PTPRD: variants seen among roughly 807,000 people sequenced by gnomAD.
PTPRD encodes protein tyrosine phosphatase receptor type D.
A neutral mutation model predicts 214.5 loss-of-function variants in PTPRD; 34 were observed. That is an observed-to-expected ratio of 0.16 (90% CI 0.12 to 0.21). The LOEUF is 0.21. Among genes scored for constraint, PTPRD ranks in the 10% least tolerant of loss-of-function variants. PTPRD has a pLI of 1.00. For missense variants in PTPRD, 2,545 were observed against 2,398.7 expected (o/e 1.06, Z -1.27); for synonymous variants, 1,128 against 845.7 (o/e 1.33, Z -5.79).
chr9:8,769,737 G>T (rs1313401445), intron 11 of PTPRD, among the ~76,000 whole-genome samples: 1 of 149,832 alleles, frequency 6.7e-6, no homozygotes, highest in African/African-American at 2.5e-5. Context: ...AAACTTTATT[G>T]TTTTATATTT....
intron 12 of PTPRD, among the ~76,000 whole-genome samples, chr9:8,709,383 C>A (rs1179103705): frequency 6.6e-6 from 1 of 151,624 alleles, no homozygotes; most frequent in Non-Finnish European, 1.5e-5. Flanking sequence ...TGCCTGGTGG[C>A]AGGCACCTGT....
chr9:9,117,284 T>C (rs2099813332), intron 10 of PTPRD, among the ~76,000 whole-genome samples: 2 of 151,744 alleles, frequency 1.3e-5, no homozygotes, highest in African/African-American at 4.8e-5. Context: ...AATTCGTGAG[T>C]ACAAAAGCAC....
chr9:8,352,263 G>C (rs2075719703), intron 39 of PTPRD, among the ~76,000 whole-genome samples: 1 of 152,078 alleles, frequency 6.6e-6, no homozygotes, highest in African/African-American at 2.4e-5. Flanking sequence ...TGCCGCAGCA[G>C]GTCTCATTTT....
intron 2 of PTPRD, among the ~76,000 whole-genome samples, chr9:10,435,011 A>G (rs909803037): frequency 2.0e-5 from 3 of 151,870 alleles, no homozygotes; most frequent in Non-Finnish European, 4.4e-5. Context: ...CAAGAGAGCA[A>G]ATACGAAACA....
chr9:10,117,967 C>T (rs183138315), intron 3 of PTPRD, among the ~76,000 whole-genome samples: 288 of 152,040 alleles, frequency 1.9e-3, no homozygotes, highest in African/African-American at 6.6e-3. Flanking sequence ...ATCTACCAAC[C>T]TGGAACTATT....
Position 10,403,989 on chromosome 9 carries a change from A to T in PTPRD, c.-599-62972T>A, listed in dbSNP as rs572439324. The stretch of plus-strand genomic sequence containing the variant: ...ACAGCGAGAGTGAATCCTAATGGAA[A>T]CCATGGACTTTGGGTGATAGTGATG... On this transcript the variant is annotated intron_variant, in intron 2 of 45. Transcript: ENST00000381196. Among the ~76,000 whole-genome samples the T allele has an allele frequency of 4.6e-5, 7 of 151,792 alleles. No homozygotes were observed. In the East Asian group the frequency reaches 7.9e-4, roughly 17 times the overall value.
chr9:9,557,697 A>C (rs566745820), intron 8 of PTPRD, among the ~76,000 whole-genome samples: 1 of 152,136 alleles, frequency 6.6e-6, no homozygotes, highest in East Asian at 1.9e-4. Context: ...ATTCCTTTCT[A>C]TTGATTCCAG....
intron 10 of PTPRD, among the ~76,000 whole-genome samples, chr9:9,061,320 T>G (rs1035598355): frequency 6.6e-6 from 1 of 152,228 alleles, no homozygotes; most frequent in South Asian, 2.1e-4. Flanking sequence ...TACAATACAT[T>G]TGTAACGCAA....
intron 11 of PTPRD, among the ~76,000 whole-genome samples, chr9:9,014,037 T>A (rs2099522949): frequency 2.0e-5 from 3 of 152,094 alleles, no homozygotes; most frequent in Admixed American, 2.0e-4. Context: ...CTGATGTTCA[T>A]AATAAGTACT....
intron 14 of PTPRD, among the ~76,000 whole-genome samples, chr9:8,587,616 T>C (rs1190957298): frequency 6.6e-6 from 1 of 152,150 alleles, no homozygotes; most frequent in Non-Finnish European, 1.5e-5. Flanking sequence ...AAAATCAAAT[T>C]AAGTTCAACA....
chr9:9,004,838 C>T lies in PTPRD; in HGVS notation c.-104+13859G>A, dbSNP rs1346573807. 5.9e-5 allele frequency among the ~76,000 whole-genome samples: 9 copies of T among 152,108 alleles called. No individual in the cohort carries two copies. The East Asian group carries it at 7.7e-4, about 13-fold the overall frequency. On this transcript the variant is annotated intron_variant, in intron 11 of 45. Coordinates refer to ENST00000381196, the MANE Select transcript of PTPRD (RefSeq NM_002839.4). Reference sequence around the variant, plus strand: ...TGAGCCATAGCTCAGATTCAAAACACGTGTGTATAGGAAAAACAAACAAAA... The same window carrying T: ...TGAGCCATAGCTCAGATTCAAAACATGTGTGTATAGGAAAAACAAACAAAA...
At chr9:9,727,996 G>A (rs2154438101) in intron 7 of PTPRD, among the ~76,000 whole-genome samples, 1 of 152,210 alleles carries the variant, frequency 6.6e-6, no homozygotes, top group South Asian at 2.1e-4. Context: ...GGACCCATGG[G>A]GAGGCAATTG....
At chr9:8,614,966 G>C (rs1048928692) in intron 14 of PTPRD, among the ~76,000 whole-genome samples, 18 of 152,156 alleles carry the variant, frequency 1.2e-4, no homozygotes, top group African/African-American at 4.1e-4. Context: ...GCCCACTCTT[G>C]AGACTTCTTT....
At chr9:8,837,434 T>C (rs945650608) in intron 11 of PTPRD, among the ~76,000 whole-genome samples, 6 of 152,328 alleles carry the variant, frequency 3.9e-5, no homozygotes, top group African/African-American at 9.6e-5. Flanking sequence ...AAAAACTAAA[T>C]TTTAATTAAA....
intron 2 of PTPRD, among the ~76,000 whole-genome samples, chr9:10,491,615 TA>T (rs1228256801): frequency 6.6e-6 from 1 of 151,182 alleles, no homozygotes; most frequent in Non-Finnish European, 1.5e-5. Flanking sequence ...TACAACTAGA[TA>T]AAAAAAAATT....
At chr9:9,287,461 A>T (rs1949870840) in intron 9 of PTPRD, among the ~76,000 whole-genome samples, 1 of 151,886 alleles carries the variant, frequency 6.6e-6, no homozygotes, top group African/African-American at 2.4e-5. Flanking sequence ...TAATTTTTCT[A>T]TCCAGCCAGA....
chr9:9,395,841 G>A (rs543296321), intron 9 of PTPRD, among the ~76,000 whole-genome samples: 21 of 152,030 alleles, frequency 1.4e-4, no homozygotes, highest in Non-Finnish European at 2.2e-4. Context: ...TGACGATAAC[G>A]TCTACTTGTA....
intron 7 of PTPRD, among the ~76,000 whole-genome samples, chr9:9,687,253 G>A (rs367831769): frequency 6.6e-6 from 1 of 151,810 alleles, no homozygotes. Flanking sequence ...CCCAATGTTA[G>A]AAAAATACAG....
Position 9,427,937 on chromosome 9 carries a change from G to A in PTPRD, c.-236-30455C>T, listed in dbSNP as rs183313590. On this transcript the variant is annotated intron_variant, in intron 8 of 45. Coordinates refer to ENST00000381196, the MANE Select transcript of PTPRD (RefSeq NM_002839.4). ...GCACTAAACGTGGAAAGGAACAACCGTTACCAGCCACTGCAAAGACATGCC... is the reference window on the plus strand; with the variant it reads ...GCACTAAACGTGGAAAGGAACAACCATTACCAGCCACTGCAAAGACATGCC... Among the ~76,000 whole-genome samples, 54 of 152,234 alleles carry A rather than the reference G, an allele frequency of 3.5e-4. 1 individual carries two copies. Among genetic ancestry groups the A allele is most frequent in the African/African-American group, 1.2e-3 (49 of 41,534 alleles).
Sources: gnomAD v4.1 joint callset for allele counts (sites outside exome capture counted in the v4.1 genomes callset) on GRCh38, gnomAD v4.1.1 for gene constraint, MANE v1.5 for transcripts, NCBI Gene and HGNC (gene_info 2026-07-23, HGNC 2026-07-21) for gene names.